Variants in GLIS3 observed in about 807,000 individuals in gnomAD.
GLIS3 encodes the protein zinc finger protein GLIS3.
Under a neutral mutation model 78.6 loss-of-function variants are expected in GLIS3, and 53 were observed. The observed-to-expected ratio is 0.67, with a 90% CI of 0.54 to 0.85. The LOEUF is 0.85. Ranked by LOEUF, GLIS3 falls within the 40% of genes least tolerant of loss-of-function variation. GLIS3 has a pLI of 0.00. For missense variants in GLIS3, 1,703 were observed against 1,231.1 expected, an observed-to-expected ratio of 1.38 and a Z score of -5.74; for synonymous variants, 684 against 509.9, an observed-to-expected ratio of 1.34 and a Z score of -4.60.
At chr9:4,207,748 G>C (rs376565317) in intron 2 of GLIS3, among the ~76,000 whole-genome samples, 1 of 152,120 alleles carries the variant, frequency 6.6e-6, no homozygotes, top group Non-Finnish European at 1.5e-5. Context: ...AGTAGCAGAT[G>C]GGGAACCCAG....
At chr9:4,408,185 C>A in the GLIS3 span, among the ~76,000 whole-genome samples, 1 of 152,018 alleles carries the variant, frequency 6.6e-6, no homozygotes, top group Non-Finnish European at 1.5e-5. Context: ...ATTAGTACAA[C>A]CACTACGGAG....
chr9:4,272,941 CTAAA>C (rs1327270294), intron 2 of GLIS3, among the ~76,000 whole-genome samples: 1 of 152,160 alleles, frequency 6.6e-6, no homozygotes, highest in South Asian at 2.1e-4. Flanking sequence ...ATCACCCTAC[CTAAA>C]TAAAGTAAAA....
rs1265317427 is a variant in GLIS3, at chr9:3,991,683, A to AATTTTT, written c.1711-54495_1711-54494insAAAAAT. On this transcript the variant is annotated intron_variant, in intron 4 of 10. Transcript: ENST00000381971. ...GTTCAGAATTTCATTAAGTAGGCTG[A>AATTTTT]TTTTTTTTTTTTTTTTTTTTTTTTT... Among the ~76,000 whole-genome samples the AATTTTT allele has an allele frequency of 6.0e-4, 53 of 87,906 alleles. 5 individuals carry two copies. Among genetic ancestry groups the AATTTTT allele is most frequent in the African/African-American group, 2.5e-3 (48 of 18,982 alleles). 57.7% of individuals were successfully genotyped at this position (87,906 alleles called of 152,430 possible). A position where few individuals can be genotyped will look rare whatever the true frequency, so the allele number is the denominator to read the frequency against.
At chr9:4,136,554 T>C (rs1385184082) in intron 2 of GLIS3, among the ~76,000 whole-genome samples, 1 of 152,206 alleles carries the variant, frequency 6.6e-6, no homozygotes, top group Non-Finnish European at 1.5e-5. Context: ...TTAAAGTACA[T>C]TTGTTTAGGG....
chr9:4,454,150 T>TA, the GLIS3 span, among the ~76,000 whole-genome samples: 571 of 128,804 alleles, frequency 4.4e-3, 5 homozygotes, highest in African/African-American at 7.5e-3. Flanking sequence ...TATATGATGA[T>TA]AAAAAAAAAA....
chr9:4,427,764 C>T, the GLIS3 span, among the ~76,000 whole-genome samples: 1 of 151,880 alleles, frequency 6.6e-6, no homozygotes, highest in African/African-American at 2.4e-5. Context: ...AAGGCTGAGG[C>T]ACAAGAATCG....
chr9:4,488,288 G>A, the GLIS3 span, among the ~76,000 whole-genome samples: 1 of 152,126 alleles, frequency 6.6e-6, no homozygotes, highest in Admixed American at 6.6e-5. Context: ...TGATCAAATT[G>A]TACATGCAAT....
the GLIS3 span, among the ~76,000 whole-genome samples, chr9:4,359,139 T>C: frequency 6.6e-6 from 1 of 152,132 alleles, no homozygotes; most frequent in Non-Finnish European, 1.5e-5. Context: ...TTCTTCCAGT[T>C]AAGTCAATTG....
intron 4 of GLIS3, among the ~76,000 whole-genome samples, chr9:4,033,886 A>AAAAAAAAAAAAAAAAC (rs1185830960): frequency 6.7e-6 from 1 of 149,600 alleles, no homozygotes; most frequent in African/African-American, 2.5e-5. Flanking sequence ...AAAAAAAAAA[A>AAAAAAAAAAAAAAAAC]AAAACTAGAA....
At chr9:4,100,522 A>T (rs1213122078) in intron 4 of GLIS3, among the ~76,000 whole-genome samples, 7 of 152,212 alleles carry the variant, frequency 4.6e-5, no homozygotes, top group Non-Finnish European at 1.0e-4. Context: ...AAAAACGTAC[A>T]TTTTCTGGAA....
intron 4 of GLIS3, among the ~76,000 whole-genome samples, chr9:3,986,417 C>T (rs960497611): frequency 6.6e-6 from 1 of 152,158 alleles, no homozygotes; most frequent in African/African-American, 2.4e-5. Context: ...TTCTCACCAC[C>T]CCCACTGTGA....
At chr9:4,283,612 A>G (rs889329590) in intron 2 of GLIS3, among the ~76,000 whole-genome samples, 1 of 151,676 alleles carries the variant, frequency 6.6e-6, no homozygotes, top group African/African-American at 2.4e-5. Flanking sequence ...GAATTATCCA[A>G]CTCCTTGAGG....
At chr9:3,904,058 C>G (rs1400717506) in intron 6 of GLIS3, among the ~76,000 whole-genome samples, 1 of 152,180 alleles carries the variant, frequency 6.6e-6, no homozygotes, top group Non-Finnish European at 1.5e-5. Flanking sequence ...TATCCACAGT[C>G]TCATAGGCAC....
intron 5 of GLIS3, among the ~76,000 whole-genome samples, chr9:3,933,365 G>A (rs946103373): frequency 2.1e-4 from 32 of 152,082 alleles, no homozygotes; most frequent in Non-Finnish European, 7.4e-5. Context: ...TATCCTTCGT[G>A]CTTAGTACAT....
intron 1 of GLIS3, among the ~76,000 whole-genome samples, chr9:4,291,682 A>G (rs951848129): frequency 7.9e-5 from 12 of 152,158 alleles, no homozygotes; most frequent in African/African-American, 2.9e-4. Flanking sequence ...GTCAATCCTC[A>G]TTTAAAAATC....
the GLIS3 span, among the ~76,000 whole-genome samples, chr9:4,464,944 G>C: frequency 4.6e-5 from 7 of 152,196 alleles, no homozygotes; most frequent in Non-Finnish European, 1.0e-4. Flanking sequence ...CCTGTCACTG[G>C]TAGCTAGTAT....
At chr9:4,284,257 C>G (rs549699007) in intron 2 of GLIS3, among the ~76,000 whole-genome samples, 1 of 152,144 alleles carries the variant, frequency 6.6e-6, no homozygotes, top group South Asian at 2.1e-4. Flanking sequence ...GCACTTAACA[C>G]GGTGCCTGAC....
At chr9:3,965,037 A>G (rs1588331755) in intron 4 of GLIS3, among the ~76,000 whole-genome samples, 1 of 152,066 alleles carries the variant, frequency 6.6e-6, no homozygotes, top group Non-Finnish European at 1.5e-5. Flanking sequence ...ATGAAATAAA[A>G]TACTCTGAGG....
chr9:4,049,615 C>T (rs191257054), intron 4 of GLIS3, among the ~76,000 whole-genome samples: 2 of 152,230 alleles, frequency 1.3e-5, no homozygotes, highest in Non-Finnish European at 2.9e-5. Context: ...GAATAAGCTT[C>T]CTGCATAAGA....
Sources: allele counts gnomAD v4.1 joint callset (sites outside exome capture counted in the v4.1 genomes callset), GRCh38; gene constraint gnomAD v4.1.1; transcripts MANE v1.5; gene names NCBI Gene and HGNC (gene_info 2026-07-23, HGNC 2026-07-21).